SCAPER: variants seen among roughly 807,000 people sequenced by gnomAD.
SCAPER encodes the protein S-phase cyclin A associated protein in the ER, also known as S phase cyclin A-associated protein in the endoplasmic reticulum.
Under a neutral mutation model 182.2 loss-of-function variants are expected in SCAPER, and 98 were observed. That is an observed-to-expected ratio of 0.54 (90% CI 0.46 to 0.64). SCAPER has a LOEUF of 0.64. SCAPER is among the 30% of genes least tolerant of loss of function. SCAPER has a pLI of 0.00. For missense variants in SCAPER, 1,432 were observed against 1,690.0 expected (o/e 0.85, Z 2.68); for synonymous variants, 605 against 564.6 (o/e 1.07, Z -1.01).
chr15:76,702,919 T>C lies in SCAPER; in HGVS notation c.2331A>G (p.Ala777=). The change falls in exon 19 of 32, where the codon GCA becomes GCG. Residue 777 remains alanine, a synonymous_variant. Coordinates refer to ENST00000563290, the MANE Select transcript of SCAPER (RefSeq NM_020843.4). ...KAAELSSGRH[A]NTDYAPKLTP... is the part of the protein sequence containing the mutation. ...TCAGTTTGGGGGCATAATCAGTATT[T>C]GCATGTCGCCCACTGCTTAGCTCAG... The C allele has an allele frequency of 6.2e-7, 1 of 1,611,682 alleles. No individual in the cohort carries two copies. Among genetic ancestry groups the C allele is most frequent in the Non-Finnish European group, 8.5e-7 (1 of 1,179,180 alleles).
intron 25 of SCAPER, among the ~76,000 whole-genome samples, chr15:76,438,711 A>G (rs1329644650): frequency 6.6e-6 from 1 of 152,226 alleles, no homozygotes; most frequent in African/African-American, 2.4e-5. Flanking sequence ...CCTTTACTCT[A>G]CTGAACAGTC....
chr15:76,756,206 A>G (rs3102717), intron 14 of SCAPER, among the ~76,000 whole-genome samples: 142,165 of 146,320 alleles, frequency 0.97, 69,188 homozygotes, highest in South Asian at 1. Flanking sequence ...ATTGTGCCAC[A>G]GCACTCCAGC....
At chr15:76,610,616 C>G (rs755018019) in intron 22 of SCAPER, among the ~76,000 whole-genome samples, 1 of 151,972 alleles carries the variant, frequency 6.6e-6, no homozygotes. Context: ...ACAAAAGTCA[C>G]TAAGATTTCT....
Position 76,659,550 on chromosome 15 carries a change from G to A in SCAPER, c.2645+6103C>T, listed in dbSNP as rs114904900. Among the ~76,000 whole-genome samples the A allele has an allele frequency of 6.0e-3, 917 of 152,208 alleles. 4 individuals carry two copies. Among genetic ancestry groups the A allele is most frequent in the African/African-American group, 0.021 (873 of 41,546 alleles). On this transcript the variant is annotated intron_variant, in intron 21 of 31. Coordinates refer to ENST00000563290, the MANE Select transcript of SCAPER (RefSeq NM_020843.4). ...CTCCCAAAGTGTTGGGATTGTAGGC[G>A]CGAGCCACCACACCCAACCGGAACA...
intron 8 of SCAPER, among the ~76,000 whole-genome samples, chr15:76,776,574 G>GT (rs983420898): frequency 4.6e-5 from 7 of 152,320 alleles, no homozygotes; most frequent in African/African-American, 1.7e-4. Context: ...AGAAAAAGTA[G>GT]TGGGGGGCAG....
At chr15:76,405,483 A>G (rs2044761804) in intron 26 of SCAPER, among the ~76,000 whole-genome samples, 1 of 152,186 alleles carries the variant, frequency 6.6e-6, no homozygotes, top group Non-Finnish European at 1.5e-5. Context: ...CATTAACAGC[A>G]TAACAAACAG....
chr15:76,667,168 T>C (rs930257750), intron 20 of SCAPER, among the ~76,000 whole-genome samples: 2 of 152,166 alleles, frequency 1.3e-5, no homozygotes, highest in Admixed American at 1.3e-4. Flanking sequence ...ATCTACAAAT[T>C]TTCCTTGTCA....
chr15:76,533,932 T>A (rs967389946), intron 23 of SCAPER, among the ~76,000 whole-genome samples: 2 of 152,224 alleles, frequency 1.3e-5, no homozygotes, highest in African/African-American at 4.8e-5. Context: ...ATTAGTAAAA[T>A]TACCATTTCC....
chr15:76,365,169 C>T (rs1431458504), intron 29 of SCAPER, among the ~76,000 whole-genome samples: 1 of 152,248 alleles, frequency 6.6e-6, no homozygotes, highest in Middle Eastern at 3.4e-3. Context: ...AGGCACTGCC[C>T]CTGGCTGTGG....
At chr15:76,562,117 C>T (rs1449213851) in intron 23 of SCAPER, among the ~76,000 whole-genome samples, 1 of 124,238 alleles carries the variant, frequency 8.0e-6, no homozygotes, top group Non-Finnish European at 1.6e-5. Context: ...CATTGCACTA[C>T]AGCCTGGGCA....
intron 1 of SCAPER, among the ~76,000 whole-genome samples, chr15:76,890,393 A>G (rs975978344): frequency 6.6e-6 from 1 of 152,210 alleles, no homozygotes; most frequent in Non-Finnish European, 1.5e-5. Context: ...TTTTTTTGAA[A>G]AGATCAACAA....
chr15:76,399,848 T>C (rs1354978873), intron 27 of SCAPER, among the ~76,000 whole-genome samples: 1 of 151,582 alleles, frequency 6.6e-6, no homozygotes, highest in East Asian at 1.9e-4. Flanking sequence ...CTACTAAAAA[T>C]ACAAAAATTA....
At chr15:76,723,811 T>C (rs2060413595) in intron 17 of SCAPER, among the ~76,000 whole-genome samples, 1 of 152,226 alleles carries the variant, frequency 6.6e-6, no homozygotes, top group Admixed American at 6.5e-5. Context: ...TGTGAGCCTA[T>C]GTGTGCCTCT....
At chr15:76,460,786 C>T (rs1322335048) in intron 25 of SCAPER, among the ~76,000 whole-genome samples, 2 of 152,136 alleles carry the variant, frequency 1.3e-5, no homozygotes, top group South Asian at 2.1e-4. Flanking sequence ...TCATCTCCAA[C>T]CTGCTGTTAA....
chr15:76,596,560 C>A (rs1198303535), intron 22 of SCAPER, among the ~76,000 whole-genome samples: 1 of 120,864 alleles, frequency 8.3e-6, no homozygotes, highest in African/African-American at 2.5e-5. Flanking sequence ...ATGTGAAAAT[C>A]CTCAATAAAA....
At chr15:76,856,600 T>C (rs948454653) in intron 4 of SCAPER, among the ~76,000 whole-genome samples, 2 of 151,816 alleles carry the variant, frequency 1.3e-5, no homozygotes, top group Non-Finnish European at 2.9e-5. Flanking sequence ...GGGGATTCTT[T>C]GTGAACTCAC....
chr15:76,901,941 G>A (rs7166156), intron 1 of SCAPER, among the ~76,000 whole-genome samples: 57,880 of 151,912 alleles, frequency 0.38, 13,086 homozygotes, highest in Middle Eastern at 0.53. Flanking sequence ...GGATGGTCTC[G>A]ATCTCCTGAC....
chr15:76,446,741 G>A (rs1005835667), intron 25 of SCAPER, among the ~76,000 whole-genome samples: 1 of 152,084 alleles, frequency 6.6e-6, no homozygotes, highest in Non-Finnish European at 1.5e-5. Flanking sequence ...AAATTCATAT[G>A]AAAAAGGAAA....
At chr15:76,897,370 T>G (rs2074495266) in intron 1 of SCAPER, among the ~76,000 whole-genome samples, 1 of 151,978 alleles carries the variant, frequency 6.6e-6, no homozygotes, top group African/African-American at 2.4e-5. Flanking sequence ...AATTCTTAAT[T>G]ACAGGCCTTT....
Sources: allele counts gnomAD v4.1 joint callset (sites outside exome capture counted in the v4.1 genomes callset), GRCh38; gene constraint gnomAD v4.1.1; transcripts MANE v1.5; gene names NCBI Gene and HGNC (gene_info 2026-07-23, HGNC 2026-07-21).